CHSY1: variants seen among roughly 807,000 people sequenced by gnomAD.
CHSY1 encodes N-acetylgalactosaminyl-proteoglycan 3-beta-glucuronosyltransferase 1.
A neutral mutation model predicts 59.8 loss-of-function variants in CHSY1; 13 were observed. That is an observed-to-expected ratio of 0.22 (90% CI 0.14 to 0.35). CHSY1 has a LOEUF of 0.35. CHSY1 is among the 10% of genes least tolerant of loss of function. The pLI, the probability that CHSY1 is intolerant of heterozygous loss-of-function variation, is 1.00. For synonymous variants in CHSY1, 459 were observed against 401.2 expected, an observed-to-expected ratio of 1.14 and a Z score of -1.72; for missense variants, 947 against 1,030.6, an observed-to-expected ratio of 0.92 and a Z score of 1.11.
chr15:101,186,201 T>C (rs1379546094), intron 2 of CHSY1, among the ~76,000 whole-genome samples: 2 of 144,916 alleles, frequency 1.4e-5, no homozygotes. Context: ...ATGCCTGAGG[T>C]CCCAGCTACT....
At chr15:101,201,392 T>C (rs982653224) in intron 2 of CHSY1, among the ~76,000 whole-genome samples, 2 of 152,120 alleles carry the variant, frequency 1.3e-5, no homozygotes, top group African/African-American at 4.8e-5. Flanking sequence ...AAACGTCCTA[T>C]AGAACAAGGT....
At chr15:101,189,039 G>A (rs889169530) in intron 2 of CHSY1, among the ~76,000 whole-genome samples, 5 of 152,208 alleles carry the variant, frequency 3.3e-5, no homozygotes, top group African/African-American at 7.2e-5. Flanking sequence ...TGCACACACG[G>A]CACTCAATAT....
At position 101,251,232 on chromosome 15, in the gene CHSY1, C is replaced by T. The variant is rs766060250; in HGVS notation, c.225G>A (p.Ser75=). Residue 75 remains serine, a synonymous_variant, in exon 1 of 3, where the codon TCG becomes TCA. Coordinates refer to ENST00000254190, the MANE Select transcript of CHSY1 (RefSeq NM_014918.5). ...ARGAQLWPPG[S]DPDGGPRDRN... The stretch of plus-strand genomic sequence containing the variant: ...TGTCGCGCGGGCCGCCATCTGGGTC[C>T]GAGCCGGGCGGCCAGAGCTGCGCCC... 5.7e-6 allele frequency: 9 copies of T among 1,581,046 alleles called. No homozygotes were observed. The highest frequency in any genetic ancestry group is 7.7e-6 in the Non-Finnish European group (9 of 1,168,796).
intron 1 of CHSY1, among the ~76,000 whole-genome samples, chr15:101,244,115 AT>A (rs2039028891): frequency 1.3e-5 from 2 of 152,232 alleles, no homozygotes; most frequent in Non-Finnish European, 2.9e-5. Context: ...ATGACACTGA[AT>A]TCAGGTGAGA....
intron 1 of CHSY1, among the ~76,000 whole-genome samples, chr15:101,238,851 G>C (rs565491230): frequency 1.3e-5 from 2 of 152,180 alleles, no homozygotes; most frequent in Admixed American, 1.3e-4. Context: ...TGAAGAAAAA[G>C]GATGTAGAAT....
chr15:101,188,665 A>G (rs1399452961), intron 2 of CHSY1, among the ~76,000 whole-genome samples: 2 of 152,214 alleles, frequency 1.3e-5, no homozygotes, highest in Non-Finnish European at 2.9e-5. Context: ...AACACCTTTT[A>G]GAGAAGCCTG....
intron 1 of CHSY1, 53 bp downstream of exon 1, chr15:101,251,084 C>T: frequency 2.7e-6 from 4 of 1,503,792 alleles, no homozygotes; most frequent in South Asian, 1.2e-5. Flanking sequence ...CCCGGGATGC[C>T]GGCCGCCGGG....
At chr15:101,225,286 T>C (rs1032957771) in intron 2 of CHSY1, among the ~76,000 whole-genome samples, 4 of 152,184 alleles carry the variant, frequency 2.6e-5, no homozygotes, top group Admixed American at 2.6e-4. Flanking sequence ...CAGGCTGGTC[T>C]TGAACTCCTG....
chr15:101,224,680 A>G (rs2038822268), intron 2 of CHSY1, among the ~76,000 whole-genome samples: 1 of 152,154 alleles, frequency 6.6e-6, no homozygotes, highest in African/African-American at 2.4e-5. Flanking sequence ...CACCTGGTCT[A>G]AGACCCACAG....
chr15:101,181,921 T>C (rs1218680338), intron 2 of CHSY1, among the ~76,000 whole-genome samples: 2 of 152,232 alleles, frequency 1.3e-5, no homozygotes, highest in Non-Finnish European at 2.9e-5. Flanking sequence ...ATCTTTTGCA[T>C]GTTGTGTGAA....
At chr15:101,193,711 A>G (rs534822838) in intron 2 of CHSY1, among the ~76,000 whole-genome samples, 1 of 152,360 alleles carries the variant, frequency 6.6e-6, no homozygotes, top group African/African-American at 2.4e-5. Context: ...ATAAGAGTAA[A>G]GAGAAGAGTG....
chr15:101,251,254 GC>G lies in CHSY1; in HGVS notation c.202del (p.Ala68ArgfsTer25), dbSNP rs1567112226. ...AGGARGDARG[A>X]QLWPPGSDPD... ...GTCCGAGCCGGGCGGCCAGAGCTGC[GC>G]CCCGCGCGCATCGCCGCGCGCCCCG... is the stretch of plus-strand genomic sequence containing the variant. On this transcript the variant is annotated frameshift_variant, in exon 1 of 3. Transcript: ENST00000254190. LOFTEE classifies it high-confidence loss of function. 1.4e-6 allele frequency: 2 copies of G among 1,405,726 alleles called. No individual in the cohort carries two copies. The highest frequency in any genetic ancestry group is 3.0e-5 in the East Asian group (1 of 33,476). The allele number at this position is 1,405,726 out of a possible 1,614,324, so 87.1% of individuals were successfully genotyped here.
chr15:101,179,001 G>A (rs763913759), intron 2 of CHSY1, 21 bp from the exon 3 acceptor site: 160 of 1,611,860 alleles, frequency 9.9e-5, no homozygotes, highest in Non-Finnish European at 1.3e-4. Context: ...AAAAAAAAGA[G>A]ATCACAAATT....
At chr15:101,233,075 GCA>G (rs1289112474) in intron 2 of CHSY1, among the ~76,000 whole-genome samples, 1 of 152,210 alleles carries the variant, frequency 6.6e-6, no homozygotes, top group Non-Finnish European at 1.5e-5. Flanking sequence ...CTGACAGGAT[GCA>G]CCAAGCCTCA....
At chr15:101,209,299 G>C (rs2038659540) in intron 2 of CHSY1, among the ~76,000 whole-genome samples, 1 of 152,138 alleles carries the variant, frequency 6.6e-6, no homozygotes, top group Admixed American at 6.5e-5. Context: ...CATTCCACTG[G>C]TCTGTAAGCT....
At position 101,177,270 on chromosome 15, in the gene CHSY1, G is replaced by C. The variant is rs2038203381; in HGVS notation, c.*118C>G. The C allele has an allele frequency of 1.0e-6, 1 of 969,734 alleles. No homozygotes were observed. The highest frequency in any genetic ancestry group is 2.8e-5 in the Admixed American group (1 of 36,204). 60.1% of individuals were successfully genotyped at this position (969,734 alleles called of 1,614,324 possible). ...AAGCTCAATCTTAAAGGAGTCCTAT[G>C]TAAGAAAACCACTTGTAAAATATAT... is the stretch of plus-strand genomic sequence containing the variant. On this transcript the variant is annotated 3_prime_UTR_variant, in exon 3 of 3. Transcript: ENST00000254190.
chr15:101,239,473 G>T (rs1337652550), intron 1 of CHSY1, among the ~76,000 whole-genome samples: 1 of 152,214 alleles, frequency 6.6e-6, no homozygotes, highest in Non-Finnish European at 1.5e-5. Flanking sequence ...GCTCCACTTG[G>T]GACAAGTTAC....
intron 2 of CHSY1, among the ~76,000 whole-genome samples, chr15:101,210,600 A>T (rs1339448945): frequency 1.3e-5 from 2 of 152,232 alleles, no homozygotes; most frequent in Non-Finnish European, 2.9e-5. Flanking sequence ...GGAGAACTGC[A>T]TCTTAAGAGC....
rs138831674 is a variant in CHSY1 at position 101,200,974 on chromosome 15, C to G, written c.817-21994G>C. Among the ~76,000 whole-genome samples the G allele has an allele frequency of 2.2e-3, 331 of 152,274 alleles. 2 individuals carry two copies. The highest frequency in any genetic ancestry group is 7.8e-3 in the African/African-American group (322 of 41,548). ...CTCGCCATGTGTGCGAAGTCAGCCA[C>G]CCTGGGTAAATCCTGTCCCCCTTCC... On this transcript the variant is annotated intron_variant, in intron 2 of 2. Coordinates refer to ENST00000254190, the MANE Select transcript of CHSY1 (RefSeq NM_014918.5).
Sources: allele counts gnomAD v4.1 joint callset (sites outside exome capture counted in the v4.1 genomes callset), GRCh38; gene constraint gnomAD v4.1.1; transcripts MANE v1.5; gene names NCBI Gene and HGNC (gene_info 2026-07-23, HGNC 2026-07-21).